Variants in PRIM2 observed in about 807,000 individuals in gnomAD.
PRIM2 encodes the protein DNA primase large subunit.
A neutral mutation model predicts 67.3 loss-of-function variants in PRIM2; 39 were observed. The observed-to-expected ratio is 0.58, with a 90% CI of 0.45 to 0.76. The LOEUF (loss-of-function observed/expected upper bound fraction) is 0.76, where lower values mean the gene tolerates loss of function less well. Ranked by LOEUF, PRIM2 falls within the 30% of genes least tolerant of loss-of-function variation. The pLI is 0.00. For missense variants in PRIM2, 398 were observed against 598.7 expected (o/e 0.66, Z 3.50); for synonymous variants, 143 against 198.7 (o/e 0.72, Z 2.36).
chr6:57,266,604 A>G, the PRIM2 span, among the ~76,000 whole-genome samples: 2 of 152,308 alleles, frequency 1.3e-5, no homozygotes, highest in East Asian at 1.9e-4. Context: ...TATGTTTTTC[A>G]TGAATTGCTG....
At chr6:57,298,848 T>G in the PRIM2 span, among the ~76,000 whole-genome samples, 1 of 152,160 alleles carries the variant, frequency 6.6e-6, no homozygotes, top group Non-Finnish European at 1.5e-5. Flanking sequence ...TGAATCATTT[T>G]GATTCTGCAT....
chr6:57,314,330 C>T (rs767208009), upstream of PRIM2, among the ~76,000 whole-genome samples: 5 of 152,158 alleles, frequency 3.3e-5, no homozygotes, highest in South Asian at 8.3e-4. Flanking sequence ...GCCTGGCCAA[C>T]GTGGTGAAAC....
At chr6:57,509,166 C>T (rs1447502707) in intron 8 of PRIM2, among the ~76,000 whole-genome samples, 100 of 151,530 alleles carry the variant, frequency 6.6e-4, no homozygotes, top group Non-Finnish European at 7.7e-4. Context: ...TCCCAGACAG[C>T]TTTTTAACCT....
chr6:57,455,045 C>T (rs1435685073), intron 7 of PRIM2, among the ~76,000 whole-genome samples: 3 of 151,952 alleles, frequency 2.0e-5, no homozygotes, highest in Non-Finnish European at 4.4e-5. Flanking sequence ...CATTATGTAC[C>T]CAGTAGTCAT....
intron 8 of PRIM2, among the ~76,000 whole-genome samples, chr6:57,515,088 T>C (rs1162765055): frequency 5.9e-5 from 9 of 152,214 alleles, no homozygotes; most frequent in Non-Finnish European, 7.3e-5. Flanking sequence ...ACTTGATGCA[T>C]ACTTTAATTA....
At chr6:57,408,588 C>CA (rs1770980318) in intron 7 of PRIM2, among the ~76,000 whole-genome samples, 1 of 152,030 alleles carries the variant, frequency 6.6e-6, no homozygotes, top group African/African-American at 2.4e-5. Flanking sequence ...CCTGGGCAAA[C>CA]ACTCATCTGT....
chr6:57,273,780 C>G, the PRIM2 span, among the ~76,000 whole-genome samples: 1 of 152,134 alleles, frequency 6.6e-6, no homozygotes, highest in Non-Finnish European at 1.5e-5. Context: ...GGTCTTTGAT[C>G]ATGGTGACAT....
At chr6:57,323,890 C>T (rs1373131901) in intron 3 of PRIM2, among the ~76,000 whole-genome samples, 1 of 151,938 alleles carries the variant, frequency 6.6e-6, no homozygotes, top group Non-Finnish European at 1.5e-5. Context: ...AGTTCATAAC[C>T]AGCCTAGGCA....
At chr6:57,408,968 A>C (rs1310145563) in intron 7 of PRIM2, among the ~76,000 whole-genome samples, 2 of 152,044 alleles carry the variant, frequency 1.3e-5, no homozygotes, top group Admixed American at 1.3e-4. Flanking sequence ...ATGTTGTTTC[A>C]TGTATTGGTA....
chr6:57,533,892 A>G (rs1774943337), intron 9 of PRIM2, among the ~76,000 whole-genome samples: 1 of 152,218 alleles, frequency 6.6e-6, no homozygotes, highest in Non-Finnish European at 1.5e-5. Flanking sequence ...CATAATAAAT[A>G]ATAAATGAGC....
At chr6:57,568,899 C>T (rs1243574209) in intron 10 of PRIM2, among the ~76,000 whole-genome samples, 2 of 152,220 alleles carry the variant, frequency 1.3e-5, no homozygotes, top group East Asian at 3.8e-4. Context: ...GCTTTTTACC[C>T]TCTCTGGGCC....
At chr6:57,518,970 G>A (rs1774546818) in intron 8 of PRIM2, among the ~76,000 whole-genome samples, 1 of 152,170 alleles carries the variant, frequency 6.6e-6, no homozygotes, top group Non-Finnish European at 1.5e-5. Flanking sequence ...TAAAGGGACA[G>A]AGTACAAAAG....
intron 7 of PRIM2, among the ~76,000 whole-genome samples, chr6:57,469,662 A>G (rs1481011802): frequency 6.6e-6 from 1 of 152,186 alleles, no homozygotes; most frequent in South Asian, 2.1e-4. Context: ...CTTATGCAGT[A>G]AATTTGAAGT....
the PRIM2 span, among the ~76,000 whole-genome samples, chr6:57,302,238 G>C: frequency 6.6e-6 from 1 of 152,176 alleles, no homozygotes; most frequent in East Asian, 1.9e-4. Context: ...TTTTTGAGCA[G>C]AGTTACATTT....
In PRIM2 at chr6:57,642,337, C is replaced by A. The variant is rs1317479820; in HGVS notation, c.1300-3591C>A. On this transcript the variant is annotated intron_variant, in intron 13 of 13. Transcript: ENST00000615550. ...CATGTGTATGCCTATGTAACCTGCA[C>A]GTTCTGCACATGGACTCCAGAACTT... 2.9e-3 allele frequency among the ~76,000 whole-genome samples: 441 copies of A among 150,848 alleles called. 4 individuals carry two copies. The highest frequency in any genetic ancestry group is 1.0e-2 in the African/African-American group (409 of 41,074).
chr6:57,490,858 T>C (rs1773871904), intron 7 of PRIM2, among the ~76,000 whole-genome samples: 1 of 152,194 alleles, frequency 6.6e-6, no homozygotes, highest in African/African-American at 2.4e-5. Context: ...CACCTCGGCC[T>C]GCCAGAGTGT....
intron 7 of PRIM2, among the ~76,000 whole-genome samples, chr6:57,437,160 A>G (rs1168426739): frequency 6.6e-6 from 1 of 152,172 alleles, no homozygotes; most frequent in Non-Finnish European, 1.5e-5. Context: ...GGCACTGGAC[A>G]CTTAAACAAC....
intron 13 of PRIM2, among the ~76,000 whole-genome samples, chr6:57,633,288 T>C (rs1218646383): frequency 9.9e-5 from 15 of 152,246 alleles, no homozygotes; most frequent in Non-Finnish European, 4.4e-5. Flanking sequence ...TGGAGATCTT[T>C]GTACTTCTTG....
chr6:57,568,207 T>G (rs1270931726), intron 10 of PRIM2, among the ~76,000 whole-genome samples: 1 of 152,206 alleles, frequency 6.6e-6, no homozygotes, highest in Non-Finnish European at 1.5e-5. Flanking sequence ...AGAGTGGGTA[T>G]GCCCAGTCCA....
Sources: gnomAD v4.1 joint callset for allele counts (sites outside exome capture counted in the v4.1 genomes callset) on GRCh38, gnomAD v4.1.1 for gene constraint, MANE v1.5 for transcripts, NCBI Gene and HGNC (gene_info 2026-07-23, HGNC 2026-07-21) for gene names.